Variants in TBC1D16 observed in about 807,000 individuals in gnomAD.
The protein encoded by TBC1D16 is TBC1 domain family member 16, also known as CTD-2529O21.1.
Under a neutral mutation model 74.7 loss-of-function variants are expected in TBC1D16, and 58 were observed. The ratio of observed to expected loss-of-function variants is 0.78; its 90% confidence interval spans 0.63 to 0.97. TBC1D16 has a LOEUF of 0.97. Among genes scored for constraint, TBC1D16 ranks in the 50% least tolerant of loss-of-function variants. TBC1D16 has a pLI of 0.00. For missense variants in TBC1D16, 1,014 were observed against 1,079.5 expected (o/e 0.94, Z 0.85); for synonymous variants, 493 against 474.7 (o/e 1.04, Z -0.50).
intron 3 of TBC1D16, among the ~76,000 whole-genome samples, chr17:80,004,412 G>A (rs1568628073): frequency 2.0e-5 from 3 of 152,196 alleles, no homozygotes; most frequent in Non-Finnish European, 4.4e-5. Context: ...TCTCCTATCT[G>A]GCAGCACCGA....
At chr17:80,013,915 G>A (rs2035996991) in intron 1 of TBC1D16, among the ~76,000 whole-genome samples, 2 of 152,122 alleles carry the variant, frequency 1.3e-5, no homozygotes. Context: ...TCCCTCCCAA[G>A]GAGAACCACT....
At chr17:79,996,700 G>A (rs2035284467) in intron 3 of TBC1D16, among the ~76,000 whole-genome samples, 1 of 152,062 alleles carries the variant, frequency 6.6e-6, no homozygotes, top group Admixed American at 6.5e-5. Context: ...GAGCAACATG[G>A]CAAAAACCCT....
At chr17:79,984,764 C>T (rs375551927) in intron 3 of TBC1D16, among the ~76,000 whole-genome samples, 6 of 151,510 alleles carry the variant, frequency 4.0e-5, no homozygotes, top group African/African-American at 1.5e-4. Flanking sequence ...AAAAATAGCC[C>T]CAAGCAATCC....
intron 1 of TBC1D16, among the ~76,000 whole-genome samples, chr17:80,024,349 TACCACACACAACACACACCAC>T (rs2036410306): frequency 9.0e-6 from 1 of 111,300 alleles, no homozygotes; most frequent in African/African-American, 3.7e-5. Flanking sequence ...CCACACACCA[TACCACACACAACACACACCAC>T]AGACACACAC....
intron 1 of TBC1D16, among the ~76,000 whole-genome samples, chr17:80,024,549 A>ACACAC (rs2036454764): frequency 7.1e-6 from 1 of 140,280 alleles, no homozygotes; most frequent in Non-Finnish European, 1.5e-5. Context: ...CACCATATAC[A>ACACAC]CACACACCAC....
chr17:79,943,521 C>G (rs2032216959), intron 10 of TBC1D16, among the ~76,000 whole-genome samples: 1 of 152,164 alleles, frequency 6.6e-6, no homozygotes, highest in Non-Finnish European at 1.5e-5. Context: ...CTGGCAGCAA[C>G]CTTCCCATTC....
chr17:80,011,777 G>C (rs1239869564), intron 2 of TBC1D16, among the ~76,000 whole-genome samples: 1 of 151,118 alleles, frequency 6.6e-6, no homozygotes, highest in African/African-American at 2.4e-5. Context: ...AGTGAGCCGA[G>C]ATTGCACCAC....
At chr17:80,004,375 T>A (rs879122360) in intron 3 of TBC1D16, among the ~76,000 whole-genome samples, 1 of 152,206 alleles carries the variant, frequency 6.6e-6, no homozygotes, top group Admixed American at 6.5e-5. Context: ...CATGGACCAT[T>A]TGACAGTCCT....
At chr17:79,996,859 G>A (rs2035290780) in intron 3 of TBC1D16, among the ~76,000 whole-genome samples, 1 of 152,166 alleles carries the variant, frequency 6.6e-6, no homozygotes. Flanking sequence ...AATGTTCCTA[G>A]TAGCTTTATT....
rs966150024 is a variant in TBC1D16, at chr17:79,938,850, A to G, written c.*2009T>C. On this transcript the variant is annotated 3_prime_UTR_variant, in exon 12 of 12. Transcript: ENST00000310924. The stretch of plus-strand genomic sequence containing the variant: ...CTCCCTCCGTGCCTTTGGCTGTGCC[A>G]TGGCTGGCCTGCAGGAGGGATGCAA... The G allele has an allele frequency of 1.3e-5, 2 of 152,328 alleles. No individual in the cohort carries two copies. The highest frequency in any genetic ancestry group is 2.9e-5 in the Non-Finnish European group (2 of 68,064). 9.4% of individuals were successfully genotyped at this position (152,328 alleles called of 1,614,324 possible).
In TBC1D16 at chr17:80,010,556, G is replaced by A. The variant is rs146642818; in HGVS notation, c.383C>T (p.Thr128Met). 2.7e-5 allele frequency: 43 copies of A among 1,605,668 alleles called. 1 individual carries two copies. The highest frequency in any genetic ancestry group is 1.3e-4 in the African/African-American group (10 of 74,628). ...SSGASHQPSP[T>M]ELRPTLTPKD... Reference sequence around the variant, plus strand: ...GGGGGTCAGGGTAGGCCGCAGCTCCGTCGGGGAGGGCTGGTGGGAGGCTCC... The same window carrying A: ...GGGGGTCAGGGTAGGCCGCAGCTCCATCGGGGAGGGCTGGTGGGAGGCTCC... Residue 128 changes from threonine (T) to methionine (M), a missense_variant, in exon 3 of 12, where the codon ACG becomes ATG. Physicochemically the swap from Thr to Met is moderately conservative, Grantham distance 81 (BLOSUM62 -1). Transcript: ENST00000310924. This position sits in a 1 kb window ranked among gnomAD's most constrained non-coding sequence, Gnocchi z 8.8.
At chr17:79,965,808 C>T (rs1403381839) in intron 3 of TBC1D16, among the ~76,000 whole-genome samples, 1 of 152,200 alleles carries the variant, frequency 6.6e-6, no homozygotes, top group East Asian at 1.9e-4. Flanking sequence ...TCCACTTCTC[C>T]CCTTCACCCC....
Position 79,994,581 on chromosome 17 carries a change from G to A in TBC1D16, c.779+15579C>T, listed in dbSNP as rs1402036249. Among the ~76,000 whole-genome samples the A allele has an allele frequency of 2.0e-5, 3 of 152,058 alleles. No homozygotes were observed. The highest frequency in any genetic ancestry group is 4.8e-5 in the African/African-American group (2 of 41,396). ...TGGGATTACAGGTGTCTGCCACCACGCCCGGCTAATTTTTGTATTTTTAAT... is the reference window on the plus strand; with the variant it reads ...TGGGATTACAGGTGTCTGCCACCACACCCGGCTAATTTTTGTATTTTTAAT... On this transcript the variant is annotated intron_variant, in intron 3 of 11. Coordinates refer to ENST00000310924, the MANE Select transcript of TBC1D16 (RefSeq NM_019020.4). The surrounding 1 kb of genome is among the most constrained non-coding windows in gnomAD (Gnocchi z 4.6).
intron 3 of TBC1D16, among the ~76,000 whole-genome samples, chr17:79,966,683 CT>C (rs1371741484): frequency 6.6e-6 from 1 of 152,064 alleles, no homozygotes; most frequent in African/African-American, 2.4e-5. Flanking sequence ...ACTTATCAGT[CT>C]TTTTTTTCAT....
chr17:80,014,833 G>A (rs974513747), intron 1 of TBC1D16, among the ~76,000 whole-genome samples: 1 of 152,186 alleles, frequency 6.6e-6, no homozygotes, highest in Non-Finnish European at 1.5e-5. Flanking sequence ...TTGAACCCTG[G>A]CCATAGGTAG....
At chr17:80,014,865 C>A (rs1455024535) in intron 1 of TBC1D16, among the ~76,000 whole-genome samples, 5 of 152,176 alleles carry the variant, frequency 3.3e-5, no homozygotes, top group Admixed American at 3.3e-4. Flanking sequence ...GGTCAGAGAA[C>A]TTCTGCCCCG....
intron 3 of TBC1D16, among the ~76,000 whole-genome samples, chr17:79,957,729 G>A (rs1028851507): frequency 8.6e-5 from 13 of 151,468 alleles, no homozygotes; most frequent in Non-Finnish European, 1.9e-4. Flanking sequence ...CTCATGAGTC[G>A]TAACATGTGT....
intron 3 of TBC1D16, among the ~76,000 whole-genome samples, chr17:79,999,849 C>T (rs959746479): frequency 4.6e-5 from 7 of 151,948 alleles, no homozygotes; most frequent in East Asian, 1.9e-4. Context: ...TGGCCACCCT[C>T]GAATTTCTAA....
At chr17:79,968,636 G>C (rs901949490) in intron 3 of TBC1D16, among the ~76,000 whole-genome samples, 1 of 151,298 alleles carries the variant, frequency 6.6e-6, no homozygotes, top group Non-Finnish European at 1.5e-5. Flanking sequence ...GGTGGATCAC[G>C]AGGTCAGGAG....
Sources: gnomAD v4.1 joint callset for allele counts (sites outside exome capture counted in the v4.1 genomes callset) on GRCh38, gnomAD v4.1.1 for gene constraint, Gnocchi (gnomAD v3.1) non-coding constraint, MANE v1.5 for transcripts, NCBI Gene and HGNC (gene_info 2026-07-23, HGNC 2026-07-21) for gene names.